SEMA3A: variants seen among roughly 807,000 people sequenced by gnomAD.
SEMA3A encodes semaphorin-3A.
Under a neutral mutation model 97.9 loss-of-function variants are expected in SEMA3A, and 29 were observed. That is an observed-to-expected ratio of 0.30 (90% CI 0.22 to 0.40). SEMA3A has a LOEUF of 0.40. Ranked by LOEUF, SEMA3A falls within the 10% of genes least tolerant of loss-of-function variation. The probability of loss-of-function intolerance (pLI) is 1.00; values close to 1 mark genes in which losing one functional copy is unlikely to be tolerated. For missense variants in SEMA3A, 763 were observed against 951.3 expected (o/e 0.80, Z 2.60); for synonymous variants, 321 against 323.7 (o/e 0.99, Z 0.09).
chr7:84,062,889 T>G (rs892589017), intron 4 of SEMA3A, among the ~76,000 whole-genome samples: 76 of 151,852 alleles, frequency 5.0e-4, no homozygotes, highest in Non-Finnish European at 7.8e-4. Context: ...CAAAGCAGCC[T>G]GGAAGCTCCA....
At chr7:84,324,904 C>T (rs749064900) in intron 2 of SEMA3A, among the ~76,000 whole-genome samples, 3 of 152,044 alleles carry the variant, frequency 2.0e-5, no homozygotes, top group Admixed American at 6.6e-5. Context: ...GCATGTGTGG[C>T]ATTGTAGAAA....
chr7:84,150,645 C>A (rs1394314488), intron 1 of SEMA3A, among the ~76,000 whole-genome samples: 1 of 152,054 alleles, frequency 6.6e-6, no homozygotes, highest in Non-Finnish European at 1.5e-5. Flanking sequence ...AACTGCAAGG[C>A]GGCAGTGAGG....
Position 84,086,519 on chromosome 7 carries a change from T to TATAATATATTATTATATTATATTTAC in SEMA3A, c.453+23950_453+23951insGTAAATATAATATAATAATATATTAT, listed in dbSNP as rs1562770137. On this transcript the variant is annotated intron_variant, in intron 4 of 16. Coordinates refer to ENST00000265362, the MANE Select transcript of SEMA3A (RefSeq NM_006080.3). ...ATAATATATTATTATATTATATTTATATATAATATATTATTATATTATATT... is the reference window on the plus strand; with the variant it reads ...ATAATATATTATTATATTATATTTATATAATATATTATTATATTATATTTACATATAATATATTATTATATTATATT... Among the ~76,000 whole-genome samples the TATAATATATTATTATATTATATTTAC allele has an allele frequency of 1.2e-3, 87 of 73,084 alleles. 18 individuals carry two copies. Among genetic ancestry groups the TATAATATATTATTATATTATATTTAC allele is most frequent in the East Asian group, 1.5e-3 (3 of 2,010 alleles). The allele number at this position is 73,084 out of a possible 152,430, so 47.9% of individuals were successfully genotyped here. A position where few individuals can be genotyped will look rare whatever the true frequency, so the allele number is the denominator to read the frequency against.
At chr7:84,425,799 C>T (rs890062022) in intron 1 of SEMA3A, among the ~76,000 whole-genome samples, 4 of 147,936 alleles carry the variant, frequency 2.7e-5, no homozygotes, top group Admixed American at 2.1e-4. Flanking sequence ...GGTGAAACCC[C>T]GTCTTTGCTA....
rs116432653 is a variant in SEMA3A at position 84,374,436 on chromosome 7, T to C, written c.-245-2536A>G. 3.9e-3 allele frequency among the ~76,000 whole-genome samples: 594 copies of C among 152,314 alleles called. 6 individuals are homozygous for C. The highest frequency in any genetic ancestry group is 0.014 in the African/African-American group (572 of 41,576). On this transcript the variant is annotated intron_variant, in intron 1 of 3. Coordinates refer to the SEMA3A transcript ENST00000424555. ...AGATACATATATTAAACACATATCTTTCATACACTTACATTTTATGAATTG... is the reference window on the plus strand; with the variant it reads ...AGATACATATATTAAACACATATCTCTCATACACTTACATTTTATGAATTG...
intron 4 of SEMA3A, among the ~76,000 whole-genome samples, chr7:84,085,760 A>T (rs1794315359): frequency 6.6e-6 from 1 of 152,136 alleles, no homozygotes; most frequent in Admixed American, 6.6e-5. Context: ...ATTCTCCTCT[A>T]AACTTTTCTA....
At chr7:84,406,577 C>T (rs1804096163) in intron 1 of SEMA3A, among the ~76,000 whole-genome samples, 1 of 151,280 alleles carries the variant, frequency 6.6e-6, no homozygotes, top group South Asian at 2.1e-4. Context: ...GATACCAAAG[C>T]CTGGCAGAGA....
chr7:84,390,256 C>T (rs964215061), intron 1 of SEMA3A, among the ~76,000 whole-genome samples: 13 of 151,044 alleles, frequency 8.6e-5, no homozygotes, highest in South Asian at 4.2e-4. Flanking sequence ...AATCCCAATG[C>T]CGTTATGGTA....
chr7:84,191,192 T>C (rs762606800), intron 1 of SEMA3A, among the ~76,000 whole-genome samples: 8 of 150,650 alleles, frequency 5.3e-5, no homozygotes, highest in Middle Eastern at 3.4e-3. Flanking sequence ...TTTATTTAAT[T>C]GATAACCTCA....
chr7:84,238,945 G>C (rs1799297637), intron 3 of SEMA3A, among the ~76,000 whole-genome samples: 1 of 152,026 alleles, frequency 6.6e-6, no homozygotes, highest in African/African-American at 2.4e-5. Flanking sequence ...TCCAACTCCT[G>C]ACCTCAGGCA....
At chr7:84,208,556 C>T (rs945929017) in intron 3 of SEMA3A, among the ~76,000 whole-genome samples, 1 of 152,084 alleles carries the variant, frequency 6.6e-6, no homozygotes, top group Non-Finnish European at 1.5e-5. Context: ...ATACAGCAAC[C>T]ATCTACATGT....
chr7:84,212,392 A>G (rs1798650180), intron 3 of SEMA3A, among the ~76,000 whole-genome samples: 1 of 152,184 alleles, frequency 6.6e-6, no homozygotes, highest in Non-Finnish European at 1.5e-5. Flanking sequence ...AAATGATTCA[A>G]TTTCATCTAC....
At chr7:84,002,088 C>T in intron 11 of SEMA3A, 42 bp from the exon 12 acceptor site, 1 of 1,138,360 alleles carries the variant, frequency 8.8e-7, no homozygotes, top group South Asian at 1.3e-5. Context: ...TTAAGTAGAT[C>T]TGAACAGAGA....
intron 2 of SEMA3A, among the ~76,000 whole-genome samples, chr7:84,366,437 T>C (rs2116084306): frequency 6.6e-6 from 1 of 151,606 alleles, no homozygotes; most frequent in South Asian, 2.1e-4. Flanking sequence ...AAATTATAAA[T>C]GATGATGACA....
At chr7:84,105,309 C>T (rs3801630) in intron 4 of SEMA3A, among the ~76,000 whole-genome samples, 64,475 of 151,976 alleles carry the variant, frequency 0.42, 14,856 homozygotes, top group Admixed American at 0.52. Flanking sequence ...CAGAGCATTA[C>T]CTAGTACTTA....
chr7:84,356,024 C>T (rs1802552269), intron 2 of SEMA3A, among the ~76,000 whole-genome samples: 1 of 151,846 alleles, frequency 6.6e-6, no homozygotes, highest in African/African-American at 2.4e-5. Context: ...GAAATAGAAA[C>T]ATTATACTAA....
At position 84,292,464 on chromosome 7, in the gene SEMA3A, A is replaced by AATTAC. The variant is rs1184179828; in HGVS notation, c.-83+14742_-83+14743insGTAAT. Among the ~76,000 whole-genome samples the AATTAC allele has an allele frequency of 3.3e-5, 5 of 152,104 alleles. 1 individual carries two copies. The highest frequency in any genetic ancestry group is 1.2e-4 in the African/African-American group (5 of 41,524). On this transcript the variant is annotated intron_variant, in intron 3 of 3. Coordinates refer to the SEMA3A transcript ENST00000424555. ...AAAAAAAACGATTACCACATTATGC[A>AATTAC]ACCATTTCTTGGTGTAAACTCTGGG...
chr7:84,022,550 T>C (rs549796080), intron 6 of SEMA3A, among the ~76,000 whole-genome samples: 1 of 152,248 alleles, frequency 6.6e-6, no homozygotes, highest in Admixed American at 6.5e-5. Flanking sequence ...CACGTGAAAA[T>C]GTTATCTACT....
In SEMA3A at chr7:84,014,095, G is replaced by A; in HGVS notation, c.810+114C>T. The A allele has an allele frequency of 3.8e-6, 3 of 795,726 alleles. No homozygotes were observed. The Admixed American group carries it at 7.9e-5, about 21-fold the overall frequency. The allele number at this position is 795,726 out of a possible 1,614,324, so 49.3% of individuals were successfully genotyped here. On this transcript the variant is annotated intron_variant, in intron 7 of 16. Transcript: ENST00000265362. The stretch of plus-strand genomic sequence containing the variant: ...ATTATTTACCATTTATTTGTTATGT[G>A]AGTCAAGCTTTAGCCATAATTTTTA...
Sources: gnomAD v4.1 joint callset for allele counts (sites outside exome capture counted in the v4.1 genomes callset) on GRCh38, gnomAD v4.1.1 for gene constraint, MANE v1.5 for transcripts, NCBI Gene and HGNC (gene_info 2026-07-23, HGNC 2026-07-21) for gene names.